PARN: variants seen among roughly 807,000 people sequenced by gnomAD.
The protein encoded by PARN is poly(A)-specific ribonuclease PARN.
PARN carries 71 observed loss-of-function variants against 102.8 expected under a neutral mutation model. That is an observed-to-expected ratio of 0.69 (90% confidence interval 0.57 to 0.84). The LOEUF (loss-of-function observed/expected upper bound fraction) is 0.84. Ranked by LOEUF, PARN falls within the 40% of genes least tolerant of loss-of-function variation. PARN has a pLI of 0.00. For missense variants in PARN, 782 were observed against 760.9 expected (o/e 1.03, Z -0.33); for synonymous variants, 261 against 252.9 (o/e 1.03, Z -0.30).
intron 16 of PARN, among the ~76,000 whole-genome samples, chr16:14,583,039 C>G (rs999650826): frequency 2.0e-5 from 3 of 152,180 alleles, no homozygotes; most frequent in Non-Finnish European, 4.4e-5. Flanking sequence ...GGTGACAGCA[C>G]AACCAACTCC....
At chr16:14,612,890 C>T (rs1337046548) in intron 6 of PARN, among the ~76,000 whole-genome samples, 1 of 151,444 alleles carries the variant, frequency 6.6e-6, no homozygotes, top group Non-Finnish European at 1.5e-5. Context: ...AGCCACCGCG[C>T]CCTACCACGG....
At chr16:14,537,143 A>C (rs775632449) in intron 21 of PARN, among the ~76,000 whole-genome samples, 1 of 152,216 alleles carries the variant, frequency 6.6e-6, no homozygotes, top group Non-Finnish European at 1.5e-5. Flanking sequence ...CAGAAAAGGC[A>C]TTTCTCAAAA....
At chr16:14,584,719 T>G (rs768626161) in intron 15 of PARN, 30 bp downstream of exon 15, 18 of 1,505,266 alleles carry the variant, frequency 1.2e-5, no homozygotes, top group Non-Finnish European at 1.6e-5. Flanking sequence ...TAATATGCAG[T>G]CGCTTTATAA....
chr16:14,539,852 GA>G (rs1190436014), intron 21 of PARN, among the ~76,000 whole-genome samples: 5 of 152,140 alleles, frequency 3.3e-5, no homozygotes, highest in African/African-American at 4.8e-5. Context: ...ATATTTGGGG[GA>G]AAAAATTGCG....
chr16:14,595,262 GAA>G lies in PARN; in HGVS notation c.841-1886_841-1885del, dbSNP rs1418543113. 1.5e-3 allele frequency among the ~76,000 whole-genome samples: 226 copies of G among 152,280 alleles called. 2 individuals are homozygous for G. Among genetic ancestry groups the G allele is most frequent in the Non-Finnish European group, 2.1e-3 (141 of 68,016 alleles). Reference sequence around the variant, plus strand: ...CTGTTGAGAAAGAAGGCACAAATAAGAAAAGAGAGGAAGCTAAAAATAAGTCA... The same window carrying G: ...CTGTTGAGAAAGAAGGCACAAATAAGAAGAGAGGAAGCTAAAAATAAGTCA... On this transcript the variant is annotated intron_variant, in intron 12 of 23. Coordinates refer to ENST00000437198, the MANE Select transcript of PARN (RefSeq NM_002582.4).
intron 21 of PARN, among the ~76,000 whole-genome samples, chr16:14,529,700 T>C (rs1399714304): frequency 1.3e-5 from 2 of 152,152 alleles, no homozygotes; most frequent in Non-Finnish European, 2.9e-5. Flanking sequence ...CTCCCACTGG[T>C]ACTCGTTGGC....
chr16:14,553,828 C>T (rs1967482685), intron 20 of PARN, among the ~76,000 whole-genome samples: 1 of 152,198 alleles, frequency 6.6e-6, no homozygotes, highest in Admixed American at 6.5e-5. Flanking sequence ...GTCCTCATCA[C>T]GGTGTTTTGC....
chr16:14,527,471 T>C (rs1966068554), intron 21 of PARN, among the ~76,000 whole-genome samples: 1 of 152,238 alleles, frequency 6.6e-6, no homozygotes, highest in Non-Finnish European at 1.5e-5. Flanking sequence ...AAATCTGTCA[T>C]AATTTTTTTC....
chr16:14,510,766 C>T (rs553662590), intron 21 of PARN, among the ~76,000 whole-genome samples: 1 of 152,226 alleles, frequency 6.6e-6, no homozygotes, highest in Non-Finnish European at 1.5e-5. Flanking sequence ...CTGCCACCCC[C>T]ATCTATGTGA....
At chr16:14,513,617 C>T (rs1206980980) in intron 21 of PARN, among the ~76,000 whole-genome samples, 1 of 152,172 alleles carries the variant, frequency 6.6e-6, no homozygotes, top group Non-Finnish European at 1.5e-5. Context: ...CCCTCCCCTG[C>T]CCGCACAATA....
intron 12 of PARN, among the ~76,000 whole-genome samples, chr16:14,594,972 TA>T (rs962696234): frequency 2.0e-5 from 3 of 151,970 alleles, no homozygotes; most frequent in Non-Finnish European, 4.4e-5. Context: ...ATGCAAACAC[TA>T]AGAAATGAAC....
chr16:14,468,186 G>T (rs978707952), intron 22 of PARN, among the ~76,000 whole-genome samples: 1 of 152,232 alleles, frequency 6.6e-6, no homozygotes, highest in Admixed American at 6.5e-5. Flanking sequence ...TGGGAAGAGA[G>T]AGAGGAGGGC....
intron 6 of PARN, among the ~76,000 whole-genome samples, chr16:14,616,581 A>G (rs1241246611): frequency 6.6e-6 from 1 of 152,204 alleles, no homozygotes; most frequent in Non-Finnish European, 1.5e-5. Flanking sequence ...CCATTTCTAC[A>G]AAAAATTCGA....
Position 14,555,726 on chromosome 16 carries a change from C to A in PARN, c.1263-17G>T. 1 of 1,396,666 alleles carries A rather than the reference C, an allele frequency of 7.2e-7. No homozygotes were observed. The highest frequency in any genetic ancestry group is 9.8e-7 in the Non-Finnish European group (1 of 1,025,174). 86.5% of individuals were successfully genotyped at this position (1,396,666 alleles called of 1,614,324 possible). A position where few individuals can be genotyped will look rare whatever the true frequency, so the allele number is the denominator to read the frequency against. ...AGAAATAACCTACAAGAAGAAAAGA[C>A]AAACAAGTAATGGGCAATTTCCTTT... On this transcript the variant is annotated splice_polypyrimidine_tract_variant and intron_variant, in intron 18 of 23. Transcript: ENST00000437198.
At position 14,621,453 on chromosome 16, in the gene PARN, T is replaced by C. The variant is rs1433006382; in HGVS notation, c.328-3803A>G. On this transcript the variant is annotated intron_variant, in intron 5 of 23. Transcript: ENST00000437198. ...CAATGTACTTAATGCCACTGAGCTA[T>C]ACATTTAAATACGGTTAGAATAGTA... is the stretch of plus-strand genomic sequence containing the variant. 5.9e-5 allele frequency among the ~76,000 whole-genome samples: 9 copies of C among 152,230 alleles called. No individual in the cohort carries two copies. The South Asian group carries it at 8.3e-4, about 14-fold the overall frequency.
At chr16:14,613,500 A>G (rs887274340) in intron 6 of PARN, among the ~76,000 whole-genome samples, 1 of 151,304 alleles carries the variant, frequency 6.6e-6, no homozygotes, top group Non-Finnish European at 1.5e-5. Flanking sequence ...CCACGCGCCT[A>G]TAGTCCCAGG....
At chr16:14,485,505 G>A (rs780081137) in intron 21 of PARN, among the ~76,000 whole-genome samples, 5 of 152,106 alleles carry the variant, frequency 3.3e-5, no homozygotes, top group Admixed American at 6.5e-5. Flanking sequence ...TGGTGATTTC[G>A]CTGTAAGCTT....
intron 21 of PARN, among the ~76,000 whole-genome samples, chr16:14,491,567 C>T (rs1402032622): frequency 7.9e-5 from 12 of 151,932 alleles, no homozygotes; most frequent in Admixed American, 7.9e-4. Flanking sequence ...AATTTGAGAC[C>T]AGCCTGGACA....
rs561247069 is a variant in PARN, at chr16:14,471,024, C to G, written c.1670+11614G>C. On this transcript the variant is annotated intron_variant, in intron 22 of 23. Coordinates refer to ENST00000437198, the MANE Select transcript of PARN (RefSeq NM_002582.4). ...GGTCTTTAAGCTGTCCTTAAGCAAT[C>G]CTCCCATCTCATCCTCCCAAAGGGC... is the stretch of plus-strand genomic sequence containing the variant. 3.3e-5 allele frequency among the ~76,000 whole-genome samples: 5 copies of G among 152,256 alleles called. No individual in the cohort carries two copies. The South Asian group carries it at 1.0e-3, about 32-fold the overall frequency.
Sources: gnomAD v4.1 joint callset for allele counts (sites outside exome capture counted in the v4.1 genomes callset) on GRCh38, gnomAD v4.1.1 for gene constraint, MANE v1.5 for transcripts, NCBI Gene and HGNC (gene_info 2026-07-23, HGNC 2026-07-21) for gene names.